Variants in DOCK1 observed in about 807,000 individuals in gnomAD.
DOCK1 encodes dedicator of cytokinesis 1.
A neutral mutation model predicts 262.7 loss-of-function variants in DOCK1; 138 were observed. That is an observed-to-expected ratio of 0.53 (90% CI 0.46 to 0.61). The LOEUF is 0.61. Among genes scored for constraint, DOCK1 ranks in the 20% least tolerant of loss-of-function variants. DOCK1 has a pLI of 0.00. For missense variants in DOCK1, 1,908 were observed against 2,370.7 expected (o/e 0.80, Z 4.05); for synonymous variants, 866 against 867.4 (o/e 1.00, Z 0.03).
At chr10:127,267,508 C>T (rs1329616956) in intron 29 of DOCK1, among the ~76,000 whole-genome samples, 1 of 152,208 alleles carries the variant, frequency 6.6e-6, no homozygotes, top group Non-Finnish European at 1.5e-5. Flanking sequence ...TCAACCTACT[C>T]TCAAAGGAGT....
Position 127,419,823 on chromosome 10 carries a change from C to T in DOCK1, c.4776+74C>T. The T allele has an allele frequency of 3.4e-6, 5 of 1,469,404 alleles. No individual in the cohort carries two copies. The South Asian group carries it at 6.1e-5, about 18-fold the overall frequency. 91.0% of individuals were successfully genotyped at this position (1,469,404 alleles called of 1,614,324 possible). A position where few individuals can be genotyped will look rare whatever the true frequency, so the allele number is the denominator to read the frequency against. On this transcript the variant is annotated intron_variant, in intron 46 of 51. Coordinates refer to ENST00000623213, the MANE Select transcript of DOCK1 (RefSeq NM_001290223.2). The stretch of plus-strand genomic sequence containing the variant: ...GGAGGGTCTAGGCTCAGCACACACA[C>T]CAGCCAGCATGGAGGTCCCTGGGCT...
intron 1 of DOCK1, among the ~76,000 whole-genome samples, chr10:126,949,990 A>G (rs1401362114): frequency 5.3e-5 from 8 of 151,814 alleles, no homozygotes; most frequent in Non-Finnish European, 1.2e-4. Flanking sequence ...AGCCCCCCAA[A>G]GCAGGTTTCT....
chr10:126,916,287 A>G (rs1271075203), intron 1 of DOCK1, among the ~76,000 whole-genome samples: 1 of 152,230 alleles, frequency 6.6e-6, no homozygotes, highest in Non-Finnish European at 1.5e-5. Flanking sequence ...TATTCATGTT[A>G]AACTATTATA....
intron 23 of DOCK1, among the ~76,000 whole-genome samples, chr10:127,086,821 G>A (rs964448143): frequency 1.3e-5 from 2 of 152,118 alleles, no homozygotes; most frequent in Non-Finnish European, 2.9e-5. Context: ...GAGAGTGGAC[G>A]AAACTACTTT....
At chr10:127,327,593 T>G (rs545970854) in intron 29 of DOCK1, among the ~76,000 whole-genome samples, 129 of 152,318 alleles carry the variant, frequency 8.5e-4, no homozygotes, top group Non-Finnish European at 1.4e-3. Context: ...TAAAAAAGTT[T>G]CACCACTAAA....
intron 44 of DOCK1, among the ~76,000 whole-genome samples, chr10:127,418,136 C>T (rs969597702): frequency 4.6e-5 from 7 of 152,124 alleles, no homozygotes; most frequent in African/African-American, 1.7e-4. Flanking sequence ...CATGCACACA[C>T]ACAGCCCCGC....
intron 27 of DOCK1, among the ~76,000 whole-genome samples, chr10:127,237,363 G>GAA (rs60864459): frequency 0.18 from 24,773 of 134,594 alleles, 2,692 homozygotes; most frequent in East Asian, 0.36. Context: ...TCCATCTCAG[G>GAA]AAAAAAAAAA....
chr10:127,231,042 A>G (rs2058822825), intron 27 of DOCK1, among the ~76,000 whole-genome samples: 1 of 152,008 alleles, frequency 6.6e-6, no homozygotes, highest in East Asian at 1.9e-4. Context: ...AATTATTCCT[A>G]AGTCTTTTAT....
Position 127,373,484 on chromosome 10 carries a change from A to ATT in DOCK1, c.3433-289_3433-288dup, listed in dbSNP as rs11387275. ...AGACTTTTTTTCATGCTGCGCTTTGATTTTTTTTTCCCCCTATGGTTTCCT... is the reference window on the plus strand; with the variant it reads ...AGACTTTTTTTCATGCTGCGCTTTGATTTTTTTTTTTCCCCCTATGGTTTCCT... On this transcript the variant is annotated intron_variant, in intron 33 of 51. Transcript: ENST00000623213. Among the ~76,000 whole-genome samples, 396 of 151,208 alleles carry ATT rather than the reference A, an allele frequency of 2.6e-3. 3 individuals carry two copies. The highest frequency in any genetic ancestry group is 4.2e-3 in the Non-Finnish European group (288 of 67,788).
intron 1 of DOCK1, among the ~76,000 whole-genome samples, chr10:126,948,507 C>A (rs1449941172): frequency 6.6e-6 from 1 of 151,768 alleles, no homozygotes; most frequent in Non-Finnish European, 1.5e-5. Context: ...GTAATACTGT[C>A]CAGCCGGGCC....
At chr10:127,304,790 G>C (rs2061814136) in intron 29 of DOCK1, among the ~76,000 whole-genome samples, 1 of 152,192 alleles carries the variant, frequency 6.6e-6, no homozygotes, top group Admixed American at 6.5e-5. Flanking sequence ...GCTGAAGTGG[G>C]AGAGTCACTT....
chr10:126,948,633 T>C (rs1173741755), intron 1 of DOCK1, among the ~76,000 whole-genome samples: 5 of 151,870 alleles, frequency 3.3e-5, no homozygotes, highest in Non-Finnish European at 7.4e-5. Flanking sequence ...AGTTTCCCGA[T>C]GTGGGGTTGC....
chr10:127,365,723 C>G (rs2064869204), intron 33 of DOCK1, among the ~76,000 whole-genome samples: 1 of 152,120 alleles, frequency 6.6e-6, no homozygotes, highest in Non-Finnish European at 1.5e-5. Context: ...CCCCTTTTCC[C>G]TCACATTCTT....
At chr10:127,038,494 C>T (rs1190560652) in intron 19 of DOCK1, among the ~76,000 whole-genome samples, 1 of 152,120 alleles carries the variant, frequency 6.6e-6, no homozygotes, top group Non-Finnish European at 1.5e-5. Context: ...TGTGGAGCCT[C>T]AGGTCTTTTT....
intron 22 of DOCK1, among the ~76,000 whole-genome samples, chr10:127,060,430 G>A (rs984885959): frequency 1.2e-4 from 18 of 152,186 alleles, no homozygotes; most frequent in African/African-American, 4.1e-4. Flanking sequence ...AGAATTTGTT[G>A]CTTTACAGTG....
intron 22 of DOCK1, among the ~76,000 whole-genome samples, chr10:127,059,610 G>A (rs889102933): frequency 8.5e-5 from 13 of 152,196 alleles, no homozygotes; most frequent in African/African-American, 2.9e-4. Context: ...ATTTTAGAGA[G>A]TATATTTTGT....
intron 25 of DOCK1, among the ~76,000 whole-genome samples, chr10:127,114,593 G>T: frequency 6.6e-6 from 1 of 151,748 alleles, no homozygotes; most frequent in Non-Finnish European, 1.5e-5. Flanking sequence ...ATAGGAGGGG[G>T]GTGCAGTTCA....
chr10:127,378,574 A>G (rs2065651664), intron 35 of DOCK1, among the ~76,000 whole-genome samples: 1 of 152,256 alleles, frequency 6.6e-6, no homozygotes, highest in African/African-American at 2.4e-5. Flanking sequence ...AACAGGACTC[A>G]GCACAGGCAG....
At chr10:127,093,666 T>C (rs74517249) in intron 23 of DOCK1, among the ~76,000 whole-genome samples, 5 of 152,048 alleles carry the variant, frequency 3.3e-5, no homozygotes, top group South Asian at 2.1e-4. Flanking sequence ...TTTTTTTTTT[T>C]CTTATAAAGA....
Sources: allele counts gnomAD v4.1 joint callset (sites outside exome capture counted in the v4.1 genomes callset), GRCh38; gene constraint gnomAD v4.1.1; transcripts MANE v1.5; gene names NCBI Gene and HGNC (gene_info 2026-07-23, HGNC 2026-07-21).